The following MYO5A variants were observed in gnomAD, a reference collection of about 807,000 sequenced individuals.
MYO5A encodes the protein myosin VA, also known as unconventional myosin-Va.
A neutral mutation model predicts 249.7 loss-of-function variants in MYO5A; 98 were observed. The ratio of observed to expected loss-of-function variants is 0.39; its 90% confidence interval spans 0.33 to 0.46. MYO5A has a LOEUF of 0.46. Ranked by LOEUF, MYO5A falls within the 20% of genes least tolerant of loss-of-function variation. The probability of loss-of-function intolerance (pLI) is 0.98; values close to 1 mark genes in which losing one functional copy is unlikely to be tolerated. For missense variants in MYO5A, 1,696 were observed against 2,308.8 expected (o/e 0.73, Z 5.44); for synonymous variants, 778 against 810.6 (o/e 0.96, Z 0.68).
chr15:52,511,996 T>G (rs1306184603), intron 1 of MYO5A, among the ~76,000 whole-genome samples: 1 of 152,062 alleles, frequency 6.6e-6, no homozygotes, highest in Non-Finnish European at 1.5e-5. Flanking sequence ...ACCCCGCCTC[T>G]ACTAAAAATA....
At chr15:52,484,712 T>C (rs1272560036) in intron 1 of MYO5A, among the ~76,000 whole-genome samples, 1 of 152,118 alleles carries the variant, frequency 6.6e-6, no homozygotes, top group Non-Finnish European at 1.5e-5. Context: ...TGGCATGATC[T>C]CGGCTCACTG....
rs193203987 is a variant in MYO5A, at chr15:52,405,191, T to C, written c.1053+96A>G. The stretch of plus-strand genomic sequence containing the variant: ...TTGATAATTATGTTTCTGATAATAT[T>C]GATAGAGAGACTTAAACTATATTGC... On this transcript the variant is annotated intron_variant, in intron 9 of 41. Coordinates refer to ENST00000399233, the MANE Select transcript of MYO5A (RefSeq NM_001382347.1). 4.3e-4 allele frequency: 372 copies of C among 872,592 alleles called. 5 individuals carry two copies. In the East Asian group the frequency reaches 9.4e-3, roughly 22 times the overall value. 54.1% of individuals were successfully genotyped at this position (872,592 alleles called of 1,614,324 possible). A position where few individuals can be genotyped will look rare whatever the true frequency, so the allele number is the denominator to read the frequency against.
chr15:52,440,241 G>GA (rs1008432138), intron 1 of MYO5A, among the ~76,000 whole-genome samples: 5 of 152,084 alleles, frequency 3.3e-5, no homozygotes, highest in African/African-American at 1.2e-4. Flanking sequence ...CATGTTTAAG[G>GA]AGGCACCAGC....
chr15:52,383,255 G>A (rs2041835104), intron 15 of MYO5A, 67 bp from the exon 16 acceptor site: 2 of 1,301,854 alleles, frequency 1.5e-6, no homozygotes, highest in Middle Eastern at 1.8e-4. Context: ...GTAAAACAAT[G>A]GGAAATTCCC....
chr15:52,434,031 G>A (rs1217542323), intron 1 of MYO5A, among the ~76,000 whole-genome samples: 1 of 132,784 alleles, frequency 7.5e-6, no homozygotes. Context: ...ATACAGTCTC[G>A]CTCTGTTGCC....
intron 1 of MYO5A, among the ~76,000 whole-genome samples, chr15:52,458,414 T>C (rs1595719664): frequency 6.6e-6 from 1 of 152,046 alleles, no homozygotes; most frequent in South Asian, 2.1e-4. Flanking sequence ...ACCCTGTCTC[T>C]ACAAAAAATA....
chr15:52,470,953 G>A (rs971818960), intron 1 of MYO5A, among the ~76,000 whole-genome samples: 5 of 150,882 alleles, frequency 3.3e-5, no homozygotes, highest in Admixed American at 1.3e-4. Context: ...AACCCGGGAG[G>A]CAGAGGTTGC....
At chr15:52,320,455 C>T (rs997879862) in intron 38 of MYO5A, among the ~76,000 whole-genome samples, 46 of 152,184 alleles carry the variant, frequency 3.0e-4, no homozygotes, top group Admixed American at 2.9e-3. Context: ...AATAGAAAAA[C>T]TGGCTGAAGT....
chr15:52,375,931 T>C (rs570399777), intron 19 of MYO5A, among the ~76,000 whole-genome samples: 3 of 152,348 alleles, frequency 2.0e-5, no homozygotes, highest in South Asian at 4.1e-4. Flanking sequence ...GTTCTACTTA[T>C]ACTTCTCAAT....
intron 1 of MYO5A, among the ~76,000 whole-genome samples, chr15:52,481,374 T>C (rs2076711316): frequency 6.6e-6 from 1 of 152,232 alleles, no homozygotes; most frequent in Admixed American, 6.5e-5. Context: ...TCCACAAGTA[T>C]TTAGTATGTG....
intron 12 of MYO5A, among the ~76,000 whole-genome samples, chr15:52,389,567 T>G (rs548386056): frequency 5.3e-5 from 8 of 152,174 alleles, no homozygotes; most frequent in Admixed American, 2.6e-4. Flanking sequence ...TGAGACCTTC[T>G]CATGGGCAAC....
intron 27 of MYO5A, 39 bp from the exon 28 acceptor site, chr15:52,351,520 C>T: frequency 6.3e-7 from 1 of 1,577,268 alleles, no homozygotes; most frequent in Non-Finnish European, 8.7e-7. Context: ...TGCTGTCATC[C>T]TCAACTTTAC....
intron 1 of MYO5A, among the ~76,000 whole-genome samples, chr15:52,471,592 AACAC>A (rs111751236): frequency 2.8e-5 from 4 of 144,872 alleles, no homozygotes; most frequent in Non-Finnish European, 3.0e-5. Flanking sequence ...CTGTCTCTAA[AACAC>A]ACACACACAC....
chr15:52,483,733 C>T (rs1436500239), intron 1 of MYO5A, among the ~76,000 whole-genome samples: 3 of 152,216 alleles, frequency 2.0e-5, no homozygotes, highest in Non-Finnish European at 4.4e-5. Context: ...ATGCGAAGGT[C>T]CATCCCCAGA....
At chr15:52,528,690 G>A in intron 1 of MYO5A, 90 bp downstream of exon 1, 2 of 1,405,722 alleles carry the variant, frequency 1.4e-6, no homozygotes, top group Non-Finnish European at 1.9e-6. Context: ...GCTCGCCTGG[G>A]CCCGGCGCTC....
intron 1 of MYO5A, among the ~76,000 whole-genome samples, chr15:52,494,793 T>C (rs970089764): frequency 3.3e-5 from 5 of 152,138 alleles, no homozygotes; most frequent in Non-Finnish European, 5.9e-5. Context: ...GTGCCTGGCC[T>C]TTCTTGTTAT....
At chr15:52,366,347 A>C (rs2040805232) in intron 23 of MYO5A, among the ~76,000 whole-genome samples, 1 of 152,016 alleles carries the variant, frequency 6.6e-6, no homozygotes, top group African/African-American at 2.4e-5. Context: ...CAGTGTAATC[A>C]ACAGAATGTA....
intron 1 of MYO5A, among the ~76,000 whole-genome samples, chr15:52,513,153 G>C (rs12900996): frequency 7.0e-6 from 1 of 143,882 alleles, no homozygotes; most frequent in Non-Finnish European, 1.5e-5. Context: ...TAAGCTGGCC[G>C]GGTGCGGTGG....
intron 1 of MYO5A, among the ~76,000 whole-genome samples, chr15:52,501,187 G>A (rs895943164): frequency 2.0e-5 from 3 of 151,920 alleles, no homozygotes; most frequent in African/African-American, 7.3e-5. Flanking sequence ...TAGCCAGGAT[G>A]GTCTCCATCT....
Sources: allele counts gnomAD v4.1 joint callset (sites outside exome capture counted in the v4.1 genomes callset), GRCh38; gene constraint gnomAD v4.1.1; transcripts MANE v1.5; gene names NCBI Gene and HGNC (gene_info 2026-07-23, HGNC 2026-07-21).